The following MTHFD2L variants were observed in gnomAD, a reference collection of about 807,000 sequenced individuals.
The protein encoded by MTHFD2L is bifunctional methylenetetrahydrofolate dehydrogenase/cyclohydrolase 2, mitochondrial.
A neutral mutation model predicts 34.9 loss-of-function variants in MTHFD2L; 29 were observed. That is an observed-to-expected ratio of 0.83 (90% CI 0.62 to 1.13). The LOEUF is 1.13. MTHFD2L is among the 50% of genes most tolerant of loss of function. The pLI, the probability that MTHFD2L is intolerant of heterozygous loss-of-function variation, is 0.00. For synonymous variants in MTHFD2L, 167 were observed against 155.7 expected (o/e 1.07, Z -0.54); for missense variants, 481 against 446.5 (o/e 1.08, Z -0.70).
intron 7 of MTHFD2L, among the ~76,000 whole-genome samples, chr4:74,291,665 C>G (rs1371999164): frequency 6.6e-6 from 1 of 152,142 alleles, no homozygotes; most frequent in Non-Finnish European, 1.5e-5. Context: ...CCAGATTATG[C>G]AAAGTAAGCT....
chr4:74,213,681 G>A lies in MTHFD2L; in HGVS notation c.713-11621G>A, dbSNP rs1232706477. On this transcript the variant is annotated intron_variant, in intron 5 of 7. Coordinates refer to ENST00000325278, the MANE Select transcript of MTHFD2L (RefSeq NM_001144978.3). ...ACCTTGGTGAATGTGACGGTTATGT[G>A]TCTTGTTGTTGCTCTTCTCATGGAG... is the stretch of plus-strand genomic sequence containing the variant. Among the ~76,000 whole-genome samples, 8 of 152,216 alleles carry A rather than the reference G, an allele frequency of 5.3e-5. No individual in the cohort carries two copies. The South Asian group carries it at 1.0e-3, about 20-fold the overall frequency.
intron 5 of MTHFD2L, among the ~76,000 whole-genome samples, chr4:74,212,580 CT>C (rs1736514605): frequency 6.6e-6 from 1 of 152,042 alleles, no homozygotes; most frequent in South Asian, 2.1e-4. Context: ...GATTTCCATT[CT>C]TTTATATTTG....
intron 1 of MTHFD2L, among the ~76,000 whole-genome samples, chr4:74,150,086 T>A (rs928425732): frequency 1.3e-5 from 2 of 152,022 alleles, no homozygotes; most frequent in African/African-American, 4.8e-5. Flanking sequence ...GGGGGAAGGG[T>A]GCCAACAAGC....
rs1299814091 is a variant in MTHFD2L, at chr4:74,246,027, G to A, written c.805+20633G>A. Among the ~76,000 whole-genome samples, 29 of 146,548 alleles carry A rather than the reference G, an allele frequency of 2.0e-4. 1 individual carries two copies. Among genetic ancestry groups the A allele is most frequent in the Admixed American group, 1.4e-3 (21 of 14,532 alleles). On this transcript the variant is annotated intron_variant, in intron 6 of 7. Coordinates refer to ENST00000325278, the MANE Select transcript of MTHFD2L (RefSeq NM_001144978.3). ...ATGGCTGGGTCAAATGGTATTTCTA[G>A]TTCTAGATCCCTGAGGAATCACCAC... is the stretch of plus-strand genomic sequence containing the variant.
At chr4:74,156,160 C>T (rs1229915346), upstream of MTHFD2L, among the ~76,000 whole-genome samples, 2 of 152,102 alleles carry the variant, frequency 1.3e-5, no homozygotes, top group Non-Finnish European at 2.9e-5. Context: ...TGCATAGTGT[C>T]ACGTGTCTAA....
intron 6 of MTHFD2L, among the ~76,000 whole-genome samples, chr4:74,247,376 T>G (rs1278850572): frequency 6.6e-6 from 1 of 151,540 alleles, no homozygotes; most frequent in Non-Finnish European, 1.5e-5. Context: ...AAGGAGATTT[T>G]GGGCTGAGAC....
intron 1 of MTHFD2L, among the ~76,000 whole-genome samples, chr4:74,172,912 G>A (rs1728310388): frequency 6.6e-6 from 1 of 152,276 alleles, no homozygotes; most frequent in South Asian, 2.1e-4. Context: ...GACTTATTTG[G>A]AAGGAGCACA....
intron 1 of MTHFD2L, among the ~76,000 whole-genome samples, chr4:74,169,370 G>C (rs1006831293): frequency 6.6e-6 from 1 of 152,148 alleles, no homozygotes; most frequent in Non-Finnish European, 1.5e-5. Flanking sequence ...GACATAATTA[G>C]CCTAGATTAT....
At chr4:74,129,649 C>T (rs1434451655) in intron 1 of MTHFD2L, among the ~76,000 whole-genome samples, 2 of 152,072 alleles carry the variant, frequency 1.3e-5, no homozygotes, top group East Asian at 1.9e-4. Context: ...CTAAAATCGA[C>T]ATCCTAACAT....
At chr4:74,195,398 T>A (rs1332752371) in intron 3 of MTHFD2L, 1 of 152,234 alleles carries the variant, frequency 6.6e-6, no homozygotes, top group Non-Finnish European at 1.5e-5. Context: ...AGGAGGCTGT[T>A]TCAAGAATTG....
At chr4:74,225,423 G>C (rs750728330) in intron 6 of MTHFD2L, 29 bp downstream of exon 6, 1 of 1,564,582 alleles carries the variant, frequency 6.4e-7, no homozygotes, top group East Asian at 2.2e-5. Context: ...TTATTTTTTG[G>C]AATGTCATCA....
At position 74,301,790 on chromosome 4, in the gene MTHFD2L, C is replaced by A; in HGVS notation, c.1025C>A (p.Ala342Asp). The A allele has an allele frequency of 6.2e-7, 1 of 1,601,738 alleles. No individual in the cohort carries two copies. Among genetic ancestry groups the A allele is most frequent in the Non-Finnish European group, 8.5e-7 (1 of 1,173,292 alleles). ...CTTCTGAAGAACACCCTTCTGGCAG[C>A]TAAAAAAATCATTTACTAGATCACA... ...AMLLKNTLLAAKKIIY is the reference protein window; with the variant it reads ...AMLLKNTLLADKKIIY Residue 342 changes from alanine to aspartate, a missense_variant, in exon 8 of 8, where the codon GCT (alanine) becomes GAT (aspartate). Ala to Asp is a moderately radical substitution (Grantham distance 126). Coordinates refer to ENST00000325278, the MANE Select transcript of MTHFD2L (RefSeq NM_001144978.3).
At chr4:74,192,175 T>C (rs1485370549) in intron 3 of MTHFD2L, among the ~76,000 whole-genome samples, 1 of 152,116 alleles carries the variant, frequency 6.6e-6, no homozygotes, top group Non-Finnish European at 1.5e-5. Context: ...GTTGATATGC[T>C]ATCGGAAAAA....
upstream of MTHFD2L, among the ~76,000 whole-genome samples, chr4:74,120,474 T>C (rs561785824): frequency 3.9e-5 from 6 of 152,340 alleles, no homozygotes; most frequent in East Asian, 1.9e-4. Flanking sequence ...GAAAACTCAA[T>C]TGGTCATTTT....
At chr4:74,234,086 A>C (rs1040331349) in intron 6 of MTHFD2L, among the ~76,000 whole-genome samples, 1 of 152,078 alleles carries the variant, frequency 6.6e-6, no homozygotes, top group Non-Finnish European at 1.5e-5. Context: ...TTAGATGGTC[A>C]AATGATACAT....
At chr4:74,281,619 G>A (rs1747496268) in intron 7 of MTHFD2L, 69 bp downstream of exon 7, 6 of 1,462,512 alleles carry the variant, frequency 4.1e-6, no homozygotes, top group African/African-American at 1.4e-5. Context: ...TTTAAAAATA[G>A]AGAAGTTTCA....
At chr4:74,157,554 A>T (rs953157824), upstream of MTHFD2L, 2 of 407,836 alleles carry the variant, frequency 4.9e-6, no homozygotes, top group African/African-American at 2.1e-5. Context: ...TTTCCTTCCA[A>T]AAGTGGAGAT....
Position 74,140,717 on chromosome 4 carries a change from T to C in MTHFD2L, c.-297+15200T>C, listed in dbSNP as rs1487893784. 2.0e-5 allele frequency among the ~76,000 whole-genome samples: 3 copies of C among 152,212 alleles called. No individual in the cohort carries two copies. In the East Asian group the frequency reaches 5.8e-4, roughly 29 times the overall value. On this transcript the variant is annotated intron_variant, in intron 1 of 7. Transcript: ENST00000433372. ...GGAGGCCTCAGGAAACTTACAATCA[T>C]GGCAGAAGGGGAAGCAAAAGTGTCC... is the stretch of plus-strand genomic sequence containing the variant.
At chr4:74,121,016 A>G (rs1387740972), upstream of MTHFD2L, among the ~76,000 whole-genome samples, 1 of 152,236 alleles carries the variant, frequency 6.6e-6, no homozygotes, top group Non-Finnish European at 1.5e-5. Context: ...AAGTGGAATT[A>G]TGGGGGCAAC....
Sources: allele counts gnomAD v4.1 joint callset (sites outside exome capture counted in the v4.1 genomes callset), GRCh38; gene constraint gnomAD v4.1.1; transcripts MANE v1.5; gene names NCBI Gene and HGNC (gene_info 2026-07-23, HGNC 2026-07-21).